The following GRM8 variants were observed in gnomAD, a reference collection of about 807,000 sequenced individuals.
GRM8 encodes the protein metabotropic glutamate receptor 8.
A neutral mutation model predicts 87.2 loss-of-function variants in GRM8; 47 were observed. The ratio of observed to expected loss-of-function variants is 0.54; its 90% confidence interval spans 0.43 to 0.69. The LOEUF (loss-of-function observed/expected upper bound fraction) is 0.69. Ranked by LOEUF, GRM8 falls within the 30% of genes least tolerant of loss-of-function variation. The pLI is 0.00. For missense variants in GRM8, 1,019 were observed against 1,139.2 expected, an observed-to-expected ratio of 0.89 and a Z score of 1.52; for synonymous variants, 396 against 404.5, an observed-to-expected ratio of 0.98 and a Z score of 0.25.
At position 126,727,739 on chromosome 7, in the gene GRM8, A is replaced by ACACC. The variant is rs1410017859; in HGVS notation, c.1357+42125_1357+42126insGGTG. ...CACACACACACACACACACACACAC[A>ACACC]CCCCTAAAAAAACAAAACTATAGGT... On this transcript the variant is annotated intron_variant, in intron 7 of 10. Coordinates refer to ENST00000339582, the MANE Select transcript of GRM8 (RefSeq NM_000845.3). 3.3e-3 allele frequency among the ~76,000 whole-genome samples: 485 copies of ACACC among 145,578 alleles called. 1 individual carries two copies. The highest frequency in any genetic ancestry group is 0.012 in the African/African-American group (465 of 39,608).
intron 3 of GRM8, among the ~76,000 whole-genome samples, chr7:127,037,832 C>CGTGTGTGTGTGT (rs367605693): frequency 1.4e-5 from 2 of 147,324 alleles, no homozygotes; most frequent in Non-Finnish European, 3.0e-5. Context: ...CATGCGCATC[C>CGTGTGTGTGTGT]GTGTGTGTGT....
At chr7:127,011,412 T>C (rs983471570) in intron 3 of GRM8, among the ~76,000 whole-genome samples, 6 of 152,156 alleles carry the variant, frequency 3.9e-5, no homozygotes, top group Admixed American at 3.3e-4. Context: ...TTCACAAATA[T>C]AGTGCTTCCA....
At chr7:127,095,187 T>C (rs1164813285) in intron 3 of GRM8, among the ~76,000 whole-genome samples, 3 of 152,120 alleles carry the variant, frequency 2.0e-5, no homozygotes, top group Non-Finnish European at 4.4e-5. Context: ...AAATGTCTGG[T>C]GGGACATCAC....
chr7:126,496,203 A>G (rs1259684843), intron 9 of GRM8, among the ~76,000 whole-genome samples: 1 of 151,914 alleles, frequency 6.6e-6, no homozygotes, highest in African/African-American at 2.4e-5. Context: ...AAGGACAGAG[A>G]GAAAGGGAGG....
chr7:126,851,330 C>T (rs1241101425), intron 6 of GRM8, among the ~76,000 whole-genome samples: 3 of 152,128 alleles, frequency 2.0e-5, no homozygotes, highest in Non-Finnish European at 1.5e-5. Context: ...CTCCTAACTG[C>T]CCCCACCCTG....
intron 6 of GRM8, among the ~76,000 whole-genome samples, chr7:126,864,909 G>A (rs1798460217): frequency 6.6e-6 from 1 of 151,488 alleles, no homozygotes; most frequent in African/African-American, 2.4e-5. Context: ...TCTCTGTTTG[G>A]GATTCCTACA....
intron 6 of GRM8, among the ~76,000 whole-genome samples, chr7:126,827,154 C>T (rs1372679948): frequency 6.6e-6 from 1 of 152,144 alleles, no homozygotes; most frequent in Non-Finnish European, 1.5e-5. Context: ...TAGCGTGATG[C>T]CTTCAGCTTT....
chr7:126,649,067 A>G (rs1803494306), intron 7 of GRM8, among the ~76,000 whole-genome samples: 1 of 152,232 alleles, frequency 6.6e-6, no homozygotes, highest in South Asian at 2.1e-4. Flanking sequence ...ATCTATGTCT[A>G]AAAAATGTGG....
At chr7:126,520,864 G>A (rs562070439) in intron 9 of GRM8, among the ~76,000 whole-genome samples, 90 of 151,956 alleles carry the variant, frequency 5.9e-4, no homozygotes, top group Non-Finnish European at 1.6e-4. Flanking sequence ...TTTGTATTTC[G>A]AATGTAATTA....
intron 8 of GRM8, among the ~76,000 whole-genome samples, chr7:126,546,787 T>G (rs145546145): frequency 6.6e-6 from 1 of 152,216 alleles, no homozygotes; most frequent in Non-Finnish European, 1.5e-5. Flanking sequence ...GCTAGGATTA[T>G]TCTAGTCATT....
At chr7:127,061,600 TC>T (rs1408950980) in intron 3 of GRM8, among the ~76,000 whole-genome samples, 3 of 152,098 alleles carry the variant, frequency 2.0e-5, no homozygotes, top group Non-Finnish European at 4.4e-5. Context: ...TATCTTCCTT[TC>T]CCCCACACCC....
rs36192147 is a variant in GRM8, at chr7:126,477,581, GAGAAAGAAAGAA to G, written c.2431-31221_2431-31210del. ...AGTAAGAGAAAGAAAGAAAGAAAGA[GAGAAAGAAAGAA>G]AGAAAGAAAGAAAGAAAGAAAGAAA... is the stretch of plus-strand genomic sequence containing the variant. On this transcript the variant is annotated intron_variant, in intron 9 of 10. Transcript: ENST00000339582. Among the ~76,000 whole-genome samples, 606 of 79,132 alleles carry G rather than the reference GAGAAAGAAAGAA, an allele frequency of 7.7e-3. 7 individuals are homozygous for G. Among genetic ancestry groups the G allele is most frequent in the South Asian group, 0.02 (44 of 2,248 alleles). 51.9% of individuals were successfully genotyped at this position (79,132 alleles called of 152,430 possible). A position where few individuals can be genotyped will look rare whatever the true frequency, so the allele number is the denominator to read the frequency against.
intron 2 of GRM8, among the ~76,000 whole-genome samples, chr7:127,163,781 C>T (rs947879728): frequency 6.6e-6 from 1 of 152,060 alleles, no homozygotes; most frequent in Admixed American, 6.6e-5. Context: ...ATAATTTTCC[C>T]TCTACTTTTG....
intron 2 of GRM8, among the ~76,000 whole-genome samples, chr7:127,182,937 T>C (rs1418582406): frequency 2.6e-5 from 4 of 151,862 alleles, no homozygotes; most frequent in East Asian, 1.9e-4. Context: ...TCTACAAATA[T>C]AGTGCAGTGT....
intron 6 of GRM8, among the ~76,000 whole-genome samples, chr7:126,819,897 G>A (rs1794148083): frequency 6.6e-6 from 1 of 151,718 alleles, no homozygotes; most frequent in Non-Finnish European, 1.5e-5. Context: ...AAATTCCATA[G>A]CAGAGTTATA....
intron 3 of GRM8, chr7:126,981,589 A>G (rs1811533277): frequency 6.6e-6 from 1 of 152,174 alleles, no homozygotes; most frequent in Admixed American, 6.5e-5. Flanking sequence ...CCATGGATAG[A>G]CTAATCTATT....
chr7:127,107,677 C>A lies in GRM8; in HGVS notation c.511-965G>T, dbSNP rs542023169. 2.0e-4 allele frequency among the ~76,000 whole-genome samples: 30 copies of A among 152,288 alleles called. No homozygotes were observed. The South Asian group carries it at 6.2e-3, about 32-fold the overall frequency. On this transcript the variant is annotated intron_variant, in intron 2 of 10. Transcript: ENST00000339582. ...AAAGAGGATGTCGGAGTTGCAGTTC[C>A]ATCTTTCCCCACAGGGCTGCACACT...
At chr7:126,810,188 G>T (rs1409948006) in intron 6 of GRM8, among the ~76,000 whole-genome samples, 1 of 151,998 alleles carries the variant, frequency 6.6e-6, no homozygotes, top group East Asian at 1.9e-4. Context: ...ACTTTTCTGG[G>T]ATTGCAACAT....
At chr7:126,576,903 T>C (rs1585102292) in intron 8 of GRM8, among the ~76,000 whole-genome samples, 2 of 152,324 alleles carry the variant, frequency 1.3e-5, no homozygotes, top group Admixed American at 1.3e-4. Context: ...TCTAGGTCAG[T>C]GAGGTGGTCT....
Sources: allele counts gnomAD v4.1 joint callset (sites outside exome capture counted in the v4.1 genomes callset), GRCh38; gene constraint gnomAD v4.1.1; transcripts MANE v1.5; gene names NCBI Gene and HGNC (gene_info 2026-07-23, HGNC 2026-07-21).